The following BBS9 variants were observed in gnomAD, a reference collection of about 807,000 sequenced individuals.
BBS9 encodes the protein Bardet-Biedl syndrome 9.
Under a neutral mutation model 117.7 loss-of-function variants are expected in BBS9, and 89 were observed. That is an observed-to-expected ratio of 0.76 (90% confidence interval 0.64 to 0.90). The LOEUF (loss-of-function observed/expected upper bound fraction) is 0.90, where lower values mean the gene tolerates loss of function less well. BBS9 is among the 40% of genes least tolerant of loss of function. The pLI is 0.00. For synonymous variants in BBS9, 379 were observed against 370.9 expected (o/e 1.02, Z -0.25); for missense variants, 982 against 1,042.2 (o/e 0.94, Z 0.80).
intron 21 of BBS9, among the ~76,000 whole-genome samples, chr7:33,570,813 G>C (rs1196489946): frequency 2.0e-5 from 3 of 152,122 alleles, no homozygotes; most frequent in Admixed American, 6.5e-5. Context: ...ATCTAATTAT[G>C]ATGAAGCACC....
At chr7:33,506,425 A>G (rs926527433) in intron 20 of BBS9, among the ~76,000 whole-genome samples, 8 of 152,204 alleles carry the variant, frequency 5.3e-5, no homozygotes, top group Admixed American at 4.6e-4. Flanking sequence ...TTTGAGAACT[A>G]AAAATAGTAA....
intron 17 of BBS9, among the ~76,000 whole-genome samples, chr7:33,373,028 T>C (rs975569476): frequency 6.6e-6 from 1 of 151,054 alleles, no homozygotes; most frequent in African/African-American, 2.4e-5. Flanking sequence ...GTCTTCCTTC[T>C]TTTTTTTTAG....
At chr7:33,368,470 T>C (rs1563074074) in intron 17 of BBS9, among the ~76,000 whole-genome samples, 1 of 152,152 alleles carries the variant, frequency 6.6e-6, no homozygotes, top group Non-Finnish European at 1.5e-5. Flanking sequence ...TTGACATATG[T>C]AGTATACTGA....
intron 5 of BBS9, among the ~76,000 whole-genome samples, chr7:33,182,042 G>A (rs566637828): frequency 1.4e-3 from 213 of 152,164 alleles, no homozygotes; most frequent in Non-Finnish European, 2.2e-3. Context: ...AGCCGAGATC[G>A]CACCACTGCA....
chr7:33,542,896 A>G (rs928449681), intron 21 of BBS9, among the ~76,000 whole-genome samples: 1 of 151,256 alleles, frequency 6.6e-6, no homozygotes. Flanking sequence ...TGGTTTTGCA[A>G]TTGTAAATTG....
intron 21 of BBS9, among the ~76,000 whole-genome samples, chr7:33,571,272 C>T (rs932175897): frequency 6.6e-6 from 1 of 151,918 alleles, no homozygotes; most frequent in Non-Finnish European, 1.5e-5. Context: ...ATTGGGTTAT[C>T]GATTGACTTT....
chr7:33,367,509 G>T (rs1015563709), intron 16 of BBS9, among the ~76,000 whole-genome samples: 4 of 152,076 alleles, frequency 2.6e-5, no homozygotes, highest in African/African-American at 9.7e-5. Context: ...AGTTCATCTT[G>T]CACGTGTTCT....
intron 5 of BBS9, among the ~76,000 whole-genome samples, chr7:33,185,914 CTT>C (rs1798745739): frequency 6.6e-6 from 1 of 152,104 alleles, no homozygotes; most frequent in Non-Finnish European, 1.5e-5. Context: ...TCCTCTATAA[CTT>C]TTGGCCTTAG....
chr7:33,246,435 A>G (rs1795344524), intron 5 of BBS9, among the ~76,000 whole-genome samples: 1 of 152,034 alleles, frequency 6.6e-6, no homozygotes, highest in Non-Finnish European at 1.5e-5. Context: ...GCAAATATTT[A>G]GCTTTTGAAG....
chr7:33,383,413 T>C (rs1825436296), intron 17 of BBS9, among the ~76,000 whole-genome samples: 2 of 152,196 alleles, frequency 1.3e-5, no homozygotes, highest in African/African-American at 2.4e-5. Flanking sequence ...TTATAAGATA[T>C]ATAACAAAAA....
At chr7:33,294,408 T>C (rs1804843897) in intron 9 of BBS9, among the ~76,000 whole-genome samples, 2 of 150,294 alleles carry the variant, frequency 1.3e-5, no homozygotes, top group South Asian at 2.1e-4. Flanking sequence ...CATCCACCCA[T>C]CCATCCGAGT....
chr7:33,271,628 G>C (rs745399663), intron 7 of BBS9, among the ~76,000 whole-genome samples: 6 of 152,206 alleles, frequency 3.9e-5, no homozygotes, highest in Non-Finnish European at 8.8e-5. Flanking sequence ...TTACATAATA[G>C]TAAAGGGTTC....
chr7:33,319,154 C>G (rs1194862597), intron 9 of BBS9, among the ~76,000 whole-genome samples: 1 of 143,282 alleles, frequency 7.0e-6, no homozygotes, highest in Middle Eastern at 3.3e-3. Context: ...CAGAGCAAGA[C>G]TCTATGTCAA....
chr7:33,157,282 T>G (rs974280453), intron 4 of BBS9, among the ~76,000 whole-genome samples: 4 of 152,214 alleles, frequency 2.6e-5, no homozygotes, highest in Admixed American at 1.3e-4. Context: ...ACTGGCATAT[T>G]AGGTGACAAT....
At chr7:33,170,888 A>G (rs1335433456) in intron 4 of BBS9, among the ~76,000 whole-genome samples, 1 of 151,942 alleles carries the variant, frequency 6.6e-6, no homozygotes, top group Non-Finnish European at 1.5e-5. Flanking sequence ...TAGGAATCCA[A>G]CTTACAAGGG....
chr7:33,443,865 GGAGTTTAT>G (rs1295178213), intron 19 of BBS9, among the ~76,000 whole-genome samples: 1 of 152,162 alleles, frequency 6.6e-6, no homozygotes, highest in African/African-American at 2.4e-5. Context: ...GTCATCAGTG[GGAGTTTAT>G]GAGTTACCGA....
chr7:33,223,683 CT>C (rs138070128), intron 5 of BBS9, among the ~76,000 whole-genome samples: 13,315 of 147,798 alleles, frequency 0.09, 614 homozygotes, highest in South Asian at 0.14. Flanking sequence ...TAAAATTTGT[CT>C]TTTTTTTTTT....
At chr7:33,543,298 T>C (rs1852707987) in intron 21 of BBS9, among the ~76,000 whole-genome samples, 1 of 134,180 alleles carries the variant, frequency 7.5e-6, no homozygotes, top group Non-Finnish European at 1.6e-5. Context: ...AGCCCACTTT[T>C]TGATGGGATT....
intron 4 of BBS9, among the ~76,000 whole-genome samples, chr7:33,164,924 C>G (rs143041813): frequency 2.3e-3 from 349 of 152,218 alleles, no homozygotes; most frequent in Non-Finnish European, 3.6e-3. Context: ...TTCCTAGCAT[C>G]GATGGTCTTT....
Sources: gnomAD v4.1 joint callset for allele counts (sites outside exome capture counted in the v4.1 genomes callset) on GRCh38, gnomAD v4.1.1 for gene constraint, MANE v1.5 for transcripts, NCBI Gene and HGNC (gene_info 2026-07-23, HGNC 2026-07-21) for gene names.